The following LIN52 variants were observed in gnomAD, a reference collection of about 807,000 sequenced individuals.
LIN52 encodes the protein lin-52 DREAM MuvB core complex component.
LIN52 carries 4 observed loss-of-function variants against 18.5 expected under a neutral mutation model. That is an observed-to-expected ratio of 0.22 (90% CI 0.11 to 0.49). The LOEUF (loss-of-function observed/expected upper bound fraction) is 0.49. Among genes scored for constraint, LIN52 ranks in the 20% least tolerant of loss-of-function variants. The probability of loss-of-function intolerance (pLI) is 0.97; values close to 1 mark genes in which losing one functional copy is unlikely to be tolerated. For missense variants in LIN52, 102 were observed against 139.5 expected (o/e 0.73, Z 1.35); for synonymous variants, 34 against 45.5 (o/e 0.75, Z 1.02).
At chr14:74,116,673 C>T (rs1218779359) in intron 5 of LIN52, among the ~76,000 whole-genome samples, 3 of 150,254 alleles carry the variant, frequency 2.0e-5, no homozygotes, top group African/African-American at 7.4e-5. Flanking sequence ...TGTGCCACTG[C>T]ACTCCAGCCT....
chr14:74,184,243 G>T (rs1159547841), intron 5 of LIN52, among the ~76,000 whole-genome samples: 2 of 152,174 alleles, frequency 1.3e-5, no homozygotes, highest in Non-Finnish European at 2.9e-5. Context: ...ACCACGCCTG[G>T]CTAATTTTTG....
At chr14:74,105,034 C>G (rs958963283) in intron 5 of LIN52, among the ~76,000 whole-genome samples, 1 of 152,124 alleles carries the variant, frequency 6.6e-6, no homozygotes, top group Non-Finnish European at 1.5e-5. Context: ...TTGGTTACCT[C>G]GAAAACTGCT....
chr14:74,147,754 T>C lies in LIN52; in HGVS notation c.283+46516T>C, dbSNP rs185227572. On this transcript the variant is annotated intron_variant, in intron 5 of 5. Coordinates refer to ENST00000555028, the MANE Select transcript of LIN52 (RefSeq NM_001024674.3). ...ACAAAAAAACACTACGTAATTCCAC[T>C]TATGTGAGGTAATCAGAGTAGTCAA... Among the ~76,000 whole-genome samples, 29 of 152,238 alleles carry C rather than the reference T, an allele frequency of 1.9e-4. No homozygotes were observed. The East Asian group carries it at 3.3e-3, about 17-fold the overall frequency.
At position 74,136,623 on chromosome 14, in the gene LIN52, G is replaced by A. The variant is rs151138628; in HGVS notation, c.283+35385G>A. 3.4e-3 allele frequency among the ~76,000 whole-genome samples: 518 copies of A among 152,228 alleles called. 4 individuals carry two copies. The highest frequency in any genetic ancestry group is 9.9e-3 in the African/African-American group (411 of 41,550). Reference sequence around the variant, plus strand: ...CAGTCTCACAGTGTTGGAGGAAAACGTTATTAAAAAAGAAAAGAACAATAC... The same window carrying A: ...CAGTCTCACAGTGTTGGAGGAAAACATTATTAAAAAAGAAAAGAACAATAC... On this transcript the variant is annotated intron_variant, in intron 5 of 5. Transcript: ENST00000555028.
chr14:74,094,777 G>C (rs1444846982), intron 2 of LIN52, among the ~76,000 whole-genome samples: 3 of 151,440 alleles, frequency 2.0e-5, no homozygotes, highest in African/African-American at 7.3e-5. Flanking sequence ...GCCCAGGTTG[G>C]AGTGCAATGG....
chr14:74,157,651 T>G (rs559556425), intron 5 of LIN52, among the ~76,000 whole-genome samples: 1 of 151,938 alleles, frequency 6.6e-6, no homozygotes, highest in South Asian at 2.1e-4. Flanking sequence ...TTTTTTTCTG[T>G]GGAGATGGGA....
intron 4 of LIN52, among the ~76,000 whole-genome samples, chr14:74,098,614 C>A (rs905374379): frequency 4.7e-5 from 7 of 148,014 alleles, no homozygotes; most frequent in African/African-American, 1.8e-4. Flanking sequence ...GTGGTGCGAT[C>A]TCGGCTCACT....
chr14:74,097,955 T>G, intron 4 of LIN52, 95 bp downstream of exon 4: 1 of 920,138 alleles, frequency 1.1e-6, no homozygotes, highest in Non-Finnish European at 1.7e-6. Context: ...CAAGTATTTT[T>G]GGCTTCAGAC....
chr14:74,098,309 A>G (rs527250192), intron 4 of LIN52, among the ~76,000 whole-genome samples: 111 of 152,180 alleles, frequency 7.3e-4, no homozygotes, highest in African/African-American at 2.3e-3. Flanking sequence ...ACTGGAGGTC[A>G]GGAGTTTGAG....
chr14:74,145,264 G>A (rs1244807191), intron 5 of LIN52, among the ~76,000 whole-genome samples: 1 of 152,148 alleles, frequency 6.6e-6, no homozygotes, highest in Non-Finnish European at 1.5e-5. Context: ...GCCATTCTTT[G>A]CCAACTCATC....
chr14:74,157,279 C>T (rs1488933521), intron 5 of LIN52, among the ~76,000 whole-genome samples: 1 of 151,648 alleles, frequency 6.6e-6, no homozygotes, highest in Admixed American at 6.6e-5. Flanking sequence ...GTGATCCTCC[C>T]GCCTCAGCCT....
chr14:74,139,333 G>A (rs1358800956), intron 5 of LIN52, among the ~76,000 whole-genome samples: 1 of 152,220 alleles, frequency 6.6e-6, no homozygotes, highest in East Asian at 1.9e-4. Flanking sequence ...GCCATAGCAG[G>A]GGACAAGAGA....
intron 5 of LIN52, among the ~76,000 whole-genome samples, chr14:74,117,243 G>A (rs1478425708): frequency 6.6e-6 from 1 of 152,186 alleles, no homozygotes; most frequent in Non-Finnish European, 1.5e-5. Context: ...GAAATGGTAG[G>A]CTGTTGGGTC....
At chr14:74,181,932 T>A (rs1025006076) in intron 5 of LIN52, among the ~76,000 whole-genome samples, 1 of 152,246 alleles carries the variant, frequency 6.6e-6, no homozygotes. Context: ...TGTACCTTTG[T>A]ACTGCTACAT....
intron 5 of LIN52, among the ~76,000 whole-genome samples, chr14:74,103,772 G>A (rs2060878397): frequency 1.1e-5 from 1 of 88,170 alleles, no homozygotes; most frequent in Non-Finnish European, 2.2e-5. Flanking sequence ...TTTTTTTTAA[G>A]AGACTGGGTT....
chr14:74,129,624 A>G (rs999803069), intron 5 of LIN52, among the ~76,000 whole-genome samples: 4 of 152,192 alleles, frequency 2.6e-5, no homozygotes, highest in Non-Finnish European at 4.4e-5. Context: ...AGGCTGAGGC[A>G]GGAGGCTCAC....
At chr14:74,110,760 C>T (rs1404824415) in intron 5 of LIN52, among the ~76,000 whole-genome samples, 2 of 151,632 alleles carry the variant, frequency 1.3e-5, no homozygotes, top group African/African-American at 2.4e-5. Flanking sequence ...GTCAGGAGAT[C>T]GAGACCATCC....
At chr14:74,093,245 C>G (rs1441885290) in intron 2 of LIN52, among the ~76,000 whole-genome samples, 1 of 151,860 alleles carries the variant, frequency 6.6e-6, no homozygotes, top group East Asian at 1.9e-4. Context: ...CCACAGCCAG[C>G]CCCCAAAACT....
chr14:74,152,076 A>T (rs2061178793), intron 5 of LIN52, among the ~76,000 whole-genome samples: 1 of 152,258 alleles, frequency 6.6e-6, no homozygotes, highest in East Asian at 1.9e-4. Flanking sequence ...CAGCCTGTCC[A>T]ACATGGTGAA....
Sources: allele counts gnomAD v4.1 joint callset (sites outside exome capture counted in the v4.1 genomes callset), GRCh38; gene constraint gnomAD v4.1.1; transcripts MANE v1.5; gene names NCBI Gene and HGNC (gene_info 2026-07-23, HGNC 2026-07-21).